The following KLHL5 variants were observed in gnomAD, a reference collection of about 807,000 sequenced individuals.
The protein encoded by KLHL5 is kelch like family member 5, also known as kelch-like protein 5.
A neutral mutation model predicts 77.7 loss-of-function variants in KLHL5; 48 were observed. The ratio of observed to expected loss-of-function variants is 0.62; its 90% CI spans 0.49 to 0.79. The LOEUF is 0.79. KLHL5 is among the 30% of genes least tolerant of loss of function. The probability of loss-of-function intolerance (pLI) is 0.00; values close to 1 mark genes in which losing one functional copy is unlikely to be tolerated. For synonymous variants in KLHL5, 260 were observed against 297.0 expected, an observed-to-expected ratio of 0.88 and a Z score of 1.28; for missense variants, 723 against 859.7, an observed-to-expected ratio of 0.84 and a Z score of 1.99.
At chr4:39,109,146 T>G (rs1722258875) in intron 8 of KLHL5, among the ~76,000 whole-genome samples, 1 of 152,204 alleles carries the variant, frequency 6.6e-6, no homozygotes, top group African/African-American at 2.4e-5. Context: ...AAGTAGAAAG[T>G]ATGCGGTTGG....
At chr4:39,139,155 G>A in the KLHL5 span, among the ~76,000 whole-genome samples, 1 of 151,938 alleles carries the variant, frequency 6.6e-6, no homozygotes, top group African/African-American at 2.4e-5. Flanking sequence ...GTTGGCAGAC[G>A]CCTGTAATCC....
At chr4:39,051,318 G>A (rs1274165104) in intron 1 of KLHL5, among the ~76,000 whole-genome samples, 2 of 151,086 alleles carry the variant, frequency 1.3e-5, no homozygotes, top group Admixed American at 6.6e-5. Flanking sequence ...ATCAGTGGCC[G>A]AAGAGATTAA....
intron 1 of KLHL5, among the ~76,000 whole-genome samples, chr4:39,066,023 T>A (rs1440838247): frequency 6.6e-6 from 1 of 152,220 alleles, no homozygotes; most frequent in African/African-American, 2.4e-5. Flanking sequence ...AATGTCTGTC[T>A]GAGTCTTAGA....
At position 39,125,774 on chromosome 4, in the gene KLHL5, A is replaced by G. The variant is rs541007865; in HGVS notation, c.*4708A>G. On this transcript the variant is annotated 3_prime_UTR_variant, in exon 11 of 11. Coordinates refer to ENST00000504108, the MANE Select transcript of KLHL5 (RefSeq NM_015990.5). ...GTTCTGGAACTACTTATTGGGGATG[A>G]TTGCACAACATGGTGAAGGTACTCA... Among the ~76,000 whole-genome samples, 16 of 152,314 alleles carry G rather than the reference A, an allele frequency of 1.1e-4. No individual in the cohort carries two copies. Among genetic ancestry groups the G allele is most frequent in the African/African-American group, 3.8e-4 (16 of 41,576 alleles).
upstream of KLHL5, among the ~76,000 whole-genome samples, chr4:39,057,333 G>T (rs1245181596): frequency 2.6e-5 from 4 of 152,056 alleles, no homozygotes; most frequent in African/African-American, 7.2e-5. Flanking sequence ...CAGAACAAAA[G>T]ATTTGTTGCA....
intron 1 of KLHL5, among the ~76,000 whole-genome samples, chr4:39,070,749 A>G (rs574024267): frequency 1.3e-5 from 2 of 152,212 alleles, no homozygotes; most frequent in Admixed American, 6.5e-5. Context: ...AAAACGCCCT[A>G]TAAATTTCCA....
At chr4:39,054,234 T>C (rs2711956) in intron 1 of KLHL5, among the ~76,000 whole-genome samples, 110,605 of 152,076 alleles carry the variant, frequency 0.73, 40,376 homozygotes, top group East Asian at 0.82. Flanking sequence ...TTTTGAGTAG[T>C]GAATGAGAAT....
At chr4:39,135,277 A>G in the KLHL5 span, 1 of 152,234 alleles carries the variant, frequency 6.6e-6, no homozygotes. Context: ...GTGCCCTTCA[A>G]TTCCCACAGG....
At chr4:39,136,624 C>A in the KLHL5 span, among the ~76,000 whole-genome samples, 3 of 152,138 alleles carry the variant, frequency 2.0e-5, no homozygotes, top group South Asian at 2.1e-4. Flanking sequence ...GGGTCTCAGA[C>A]CCCCATCAGA....
At chr4:39,070,278 TTA>T (rs1290035428) in intron 1 of KLHL5, among the ~76,000 whole-genome samples, 2 of 152,196 alleles carry the variant, frequency 1.3e-5, no homozygotes, top group Non-Finnish European at 2.9e-5. Flanking sequence ...GAGGTGGGTT[TTA>T]TTACCGTAAG....
At chr4:39,092,310 T>G (rs1394799984) in intron 5 of KLHL5, among the ~76,000 whole-genome samples, 1 of 152,188 alleles carries the variant, frequency 6.6e-6, no homozygotes, top group Non-Finnish European at 1.5e-5. Context: ...GATACTTAGA[T>G]TAATGGCTTT....
rs764923447 is a variant in KLHL5 at position 39,115,192 on chromosome 4, A to G, written c.1935A>G (p.Val645=). The change falls in exon 10 of 11, where the codon GTA becomes GTG. Residue 645 remains valine, a synonymous_variant. Transcript: ENST00000504108. ...YDPKTDMWTA[V]ASMSISRDAV... ...CCAAAACAGACATGTGGACTGCAGT[A>G]GCATCCATGAGCATCAGCAGAGATG... 11 of 1,613,448 alleles carry G rather than the reference A, an allele frequency of 6.8e-6. No individual in the cohort carries two copies. In the South Asian group the frequency reaches 1.2e-4, roughly 18 times the overall value.
intron 2 of KLHL5, among the ~76,000 whole-genome samples, chr4:39,078,236 A>T (rs1719263857): frequency 6.6e-6 from 1 of 152,008 alleles, no homozygotes; most frequent in Non-Finnish European, 1.5e-5. Context: ...AAATACAAAA[A>T]TTAGCCCGGT....
chr4:39,074,099 A>T (rs1349881674), intron 1 of KLHL5, among the ~76,000 whole-genome samples: 1 of 152,200 alleles, frequency 6.6e-6, no homozygotes, highest in African/African-American at 2.4e-5. Context: ...TATAATAATG[A>T]TCTTAAATGT....
At chr4:39,120,675 T>C (rs1483201321) in intron 10 of KLHL5, among the ~76,000 whole-genome samples, 1 of 152,250 alleles carries the variant, frequency 6.6e-6, no homozygotes, top group Non-Finnish European at 1.5e-5. Flanking sequence ...TTACTGTAAG[T>C]GTTCAGCATT....
chr4:39,058,784 C>A (rs1229055930), upstream of KLHL5, among the ~76,000 whole-genome samples: 2 of 151,794 alleles, frequency 1.3e-5, no homozygotes, highest in Non-Finnish European at 2.9e-5. Context: ...TTTATGTATT[C>A]ATTAGAGAAA....
rs770926640 is a variant in KLHL5 at position 39,076,129 on chromosome 4, G to A, written c.548G>A (p.Arg183His). 1.4e-5 allele frequency: 23 copies of A among 1,602,632 alleles called. No individual in the cohort carries two copies. The highest frequency in any genetic ancestry group is 5.4e-5 in the African/African-American group (4 of 74,204). ...LCDVILVAGD[R>H]RIPAHRLVLS... ...GATGTAATTTTAGTCGCTGGTGATC[G>A]CAGAATTCCAGCTCACAGGTAGTTG... Residue 183 changes from arginine to histidine, a missense_variant, in exon 2 of 11, where the codon CGC (arginine) becomes CAC (histidine). Arg to His is a conservative substitution (Grantham distance 29). Around this residue, in one of 3 missense-constraint regions of KLHL5, gnomAD observed 221 missense variants for 222.1 expected, o/e 1.00. Coordinates refer to ENST00000504108, the MANE Select transcript of KLHL5 (RefSeq NM_015990.5).
Position 39,115,888 on chromosome 4 carries a change from G to A in KLHL5, c.2073+558G>A, listed in dbSNP as rs1197419720. The A allele has an allele frequency of 5.0e-6, 5 of 990,488 alleles. No homozygotes were observed. The South Asian group carries it at 1.9e-4, about 37-fold the overall frequency. The allele number at this position is 990,488 out of a possible 1,614,324, so 61.4% of individuals were successfully genotyped here. ...CTAGCACTTCTAAAAATGATCTTTT[G>A]AGATCTTTGCTTCCATCATCACCAA... On this transcript the variant is annotated intron_variant, in intron 10 of 10. Transcript: ENST00000504108.
rs79611321 is a variant in KLHL5, at chr4:39,047,718, G to C, written c.-95+2622G>C. On this transcript the variant is annotated intron_variant, in intron 1 of 11. Transcript: ENST00000261425. ...GTGTCTATGAATTAGACTAGGCATA[G>C]GCAAGTTGAAGTCCTTGAGGAATGA... 2.8e-4 allele frequency among the ~76,000 whole-genome samples: 42 copies of C among 152,334 alleles called. 2 individuals carry two copies. In the East Asian group the frequency reaches 6.5e-3, roughly 24 times the overall value.
Sources: allele counts gnomAD v4.1 joint callset (sites outside exome capture counted in the v4.1 genomes callset), GRCh38; gene constraint gnomAD v4.1.1; regional missense constraint gnomAD v4.1.1; transcripts MANE v1.5; gene names NCBI Gene and HGNC (gene_info 2026-07-23, HGNC 2026-07-21).